Variants in CNTNAP4 observed in about 807,000 individuals in gnomAD.
The protein encoded by CNTNAP4 is contactin-associated protein-like 4.
Under a neutral mutation model 148.4 loss-of-function variants are expected in CNTNAP4, and 98 were observed. That is an observed-to-expected ratio of 0.66 (90% CI 0.56 to 0.78). The LOEUF (loss-of-function observed/expected upper bound fraction) is 0.78. Ranked by LOEUF, CNTNAP4 falls within the 30% of genes least tolerant of loss-of-function variation. The probability of loss-of-function intolerance (pLI) is 0.00; values close to 1 mark genes in which losing one functional copy is unlikely to be tolerated. For synonymous variants in CNTNAP4, 730 were observed against 565.1 expected (o/e 1.29, Z -4.14); for missense variants, 1,935 against 1,565.6 (o/e 1.24, Z -3.98).
intron 3 of CNTNAP4, among the ~76,000 whole-genome samples, chr16:76,423,799 A>C (rs2079277374): frequency 6.6e-6 from 1 of 152,176 alleles, no homozygotes; most frequent in Non-Finnish European, 1.5e-5. Flanking sequence ...AAATATAATA[A>C]ATAGTAACTG....
intron 15 of CNTNAP4, among the ~76,000 whole-genome samples, chr16:76,515,351 G>T (rs1396987571): frequency 6.6e-6 from 1 of 152,150 alleles, no homozygotes; most frequent in Non-Finnish European, 1.5e-5. Flanking sequence ...CCTTTAAGGA[G>T]ATCATTAAGG....
chr16:76,404,399 T>C (rs933101784), intron 3 of CNTNAP4, among the ~76,000 whole-genome samples: 1 of 151,270 alleles, frequency 6.6e-6, no homozygotes, highest in African/African-American at 2.4e-5. Flanking sequence ...TCTAGTTTGG[T>C]GACCTCTTAC....
At chr16:76,458,966 AT>A (rs2080837081) in intron 8 of CNTNAP4, among the ~76,000 whole-genome samples, 3 of 151,926 alleles carry the variant, frequency 2.0e-5, no homozygotes, top group Non-Finnish European at 2.9e-5. Flanking sequence ...GCCAAAATCT[AT>A]TTTTTTAGTA....
chr16:76,398,380 A>G (rs1053629556), intron 3 of CNTNAP4, among the ~76,000 whole-genome samples: 1 of 152,104 alleles, frequency 6.6e-6, no homozygotes. Context: ...CCATCACAAT[A>G]CATGAGAATC....
intron 21 of CNTNAP4, among the ~76,000 whole-genome samples, chr16:76,549,950 T>C (rs1251922505): frequency 1.3e-5 from 2 of 152,176 alleles, no homozygotes; most frequent in Non-Finnish European, 2.9e-5. Flanking sequence ...TGTCTGCAGA[T>C]TGAAAGGGCT....
chr16:76,448,894 A>G lies in CNTNAP4; in HGVS notation c.870A>G (p.Glu290=). The G allele has an allele frequency of 6.2e-7, 1 of 1,613,856 alleles. No individual in the cohort carries two copies. The highest frequency in any genetic ancestry group is 2.2e-5 in the East Asian group (1 of 44,860). The change falls in exon 6 of 24, where the codon GAA becomes GAG. Residue 290 remains glutamate, a synonymous_variant. Transcript: ENST00000611870. ...AACAAGTCAACTTCACAGTGGACGA[A>G]CACAGGCATCATTTCCATGCACGGG... The part of the protein sequence containing the change: ...LGKQVNFTVD[E]HRHHFHARGE...
In CNTNAP4 at chr16:76,277,411, G is replaced by A. The variant is rs893407186; in HGVS notation, c.-252G>A. ...GGAAAGATGCTGAGTGCTTTTCAGT[G>A]AGGAGTCAGGGAGGTGTGTGTGAGA... On this transcript the variant is annotated 5_prime_UTR_variant, in exon 1 of 24. Coordinates refer to ENST00000611870, the MANE Select transcript of CNTNAP4 (RefSeq NM_033401.5). 4.5e-6 allele frequency: 2 copies of A among 439,898 alleles called. No individual in the cohort carries two copies. The highest frequency in any genetic ancestry group is 4.0e-5 in the African/African-American group (2 of 50,186). The allele number at this position is 439,898 out of a possible 1,614,324, so 27.2% of individuals were successfully genotyped here. A position where few individuals can be genotyped will look rare whatever the true frequency, so the allele number is the denominator to read the frequency against.
intron 1 of CNTNAP4, among the ~76,000 whole-genome samples, chr16:76,307,871 T>C (rs1960664776): frequency 6.6e-6 from 1 of 152,172 alleles, no homozygotes; most frequent in Non-Finnish European, 1.5e-5. Flanking sequence ...TTGGAAAAGC[T>C]ATTCAAACTC....
At chr16:76,299,937 T>G (rs372885224) in intron 1 of CNTNAP4, among the ~76,000 whole-genome samples, 14 of 152,198 alleles carry the variant, frequency 9.2e-5, no homozygotes, top group South Asian at 8.3e-4. Context: ...TAGGTGGGAT[T>G]TGAACAACGA....
At chr16:76,550,821 G>C (rs1047338838) in intron 21 of CNTNAP4, among the ~76,000 whole-genome samples, 6 of 151,992 alleles carry the variant, frequency 3.9e-5, no homozygotes, top group Admixed American at 3.3e-4. Flanking sequence ...CCTATATAAT[G>C]ACGTTATGCT....
Position 76,558,570 on chromosome 16 carries a change from A to G in CNTNAP4, c.3814A>G (p.Lys1272Glu). 1 of 1,612,738 alleles carries G rather than the reference A, an allele frequency of 6.2e-7. No homozygotes were observed. Among genetic ancestry groups the G allele is most frequent in the Non-Finnish European group, 8.5e-7 (1 of 1,178,838 alleles). The change falls in exon 24 of 24, where the codon AAA (lysine) becomes GAA (glutamate). Residue 1272 changes from lysine to glutamate, a missense_variant. Lys to Glu is a moderately conservative substitution (Grantham distance 56). Transcript: ENST00000611870. ...VRIYQQKRLY[K>E]RSEAKRSENV... ...CATTTATCAGCAGAAAAGGTTATAT[A>G]AAAGAAGTGAGGCAAAAAGGTCAGA...
intron 4 of CNTNAP4, among the ~76,000 whole-genome samples, chr16:76,433,640 G>T (rs2079698539): frequency 6.6e-6 from 1 of 152,108 alleles, no homozygotes; most frequent in Non-Finnish European, 1.5e-5. Flanking sequence ...CTAGATAATA[G>T]TCTCTGTCTA....
At chr16:76,509,151 A>G (rs1320027308) in intron 15 of CNTNAP4, among the ~76,000 whole-genome samples, 1 of 97,824 alleles carries the variant, frequency 1.0e-5, no homozygotes, top group African/African-American at 2.6e-5. Context: ...TATCAATTGA[A>G]TATCATTCCA....
chr16:76,400,514 C>A (rs544099989), intron 3 of CNTNAP4, among the ~76,000 whole-genome samples: 11 of 152,070 alleles, frequency 7.2e-5, no homozygotes, highest in Admixed American at 2.0e-4. Flanking sequence ...TTGATGATTT[C>A]TTTTGCTGTG....
intron 17 of CNTNAP4, among the ~76,000 whole-genome samples, chr16:76,531,267 A>G (rs2083973722): frequency 6.6e-6 from 1 of 152,178 alleles, no homozygotes; most frequent in South Asian, 2.1e-4. Flanking sequence ...CCACAAAAAT[A>G]GTGGAAAATT....
chr16:76,429,961 C>G (rs906669254), intron 4 of CNTNAP4, among the ~76,000 whole-genome samples: 3 of 152,040 alleles, frequency 2.0e-5, no homozygotes, highest in Non-Finnish European at 4.4e-5. Context: ...TAACTTTAAA[C>G]CATTATTAAA....
chr16:76,516,198 T>G (rs574941434), intron 15 of CNTNAP4, among the ~76,000 whole-genome samples: 1 of 150,774 alleles, frequency 6.6e-6, no homozygotes, highest in Non-Finnish European at 1.5e-5. Context: ...TGGTGTTTGG[T>G]TTTCTGTTTC....
chr16:76,390,031 A>G (rs79095394), intron 3 of CNTNAP4, among the ~76,000 whole-genome samples: 446 of 152,296 alleles, frequency 2.9e-3, no homozygotes, highest in Non-Finnish European at 5.0e-3. Context: ...GCTTAGCCCC[A>G]CTGGGGAATT....
At chr16:76,491,194 C>G (rs1308859337) in intron 13 of CNTNAP4, among the ~76,000 whole-genome samples, 1 of 152,098 alleles carries the variant, frequency 6.6e-6, no homozygotes, top group African/African-American at 2.4e-5. Flanking sequence ...GCCTCTACCC[C>G]TCCAATCCCA....
Sources: gnomAD v4.1 joint callset for allele counts (sites outside exome capture counted in the v4.1 genomes callset) on GRCh38, gnomAD v4.1.1 for gene constraint, MANE v1.5 for transcripts, NCBI Gene and HGNC (gene_info 2026-07-23, HGNC 2026-07-21) for gene names.